The following PPEF2 variants were observed in gnomAD, a reference collection of about 807,000 sequenced individuals.
PPEF2 encodes the protein serine/threonine-protein phosphatase with EF-hands 2.
In PPEF2, 84 loss-of-function variants were observed where a neutral mutation model predicts 84.7. The ratio of observed to expected loss-of-function variants is 0.99; its 90% CI spans 0.83 to 1.19. The LOEUF (loss-of-function observed/expected upper bound fraction) is 1.19, where lower values mean the gene tolerates loss of function less well. PPEF2 is among the 50% of genes most tolerant of loss of function. The pLI, the probability that PPEF2 is intolerant of heterozygous loss-of-function variation, is 0.00. For missense variants in PPEF2, 924 were observed against 937.5 expected, an observed-to-expected ratio of 0.99 and a Z score of 0.19; for synonymous variants, 346 against 345.2, an observed-to-expected ratio of 1.00 and a Z score of -0.03.
In PPEF2 at chr4:75,860,547, G is replaced by T; in HGVS notation, c.*120C>A. On this transcript the variant is annotated 3_prime_UTR_variant, in exon 17 of 17. Coordinates refer to ENST00000286719, the MANE Select transcript of PPEF2 (RefSeq NM_006239.3). Reference sequence around the variant, plus strand: ...CACACTGAAATACACAGGTGATTCTGATGCATATGGATAGGTAAATTTTCA... The same window carrying T: ...CACACTGAAATACACAGGTGATTCTTATGCATATGGATAGGTAAATTTTCA... 2 of 1,272,762 alleles carry T rather than the reference G, an allele frequency of 1.6e-6. No individual in the cohort carries two copies. The highest frequency in any genetic ancestry group is 1.1e-6 in the Non-Finnish European group (1 of 918,464). The allele number at this position is 1,272,762 out of a possible 1,614,324, so 78.8% of individuals were successfully genotyped here.
chr4:75,863,903 C>A (rs1250243355), intron 16 of PPEF2, among the ~76,000 whole-genome samples: 1 of 149,590 alleles, frequency 6.7e-6, no homozygotes, highest in African/African-American at 2.5e-5. Flanking sequence ...GACAGAGTCT[C>A]ACTCTGTCGC....
intron 1 of PPEF2, among the ~76,000 whole-genome samples, chr4:75,897,184 G>A (rs930039304): frequency 6.6e-6 from 1 of 152,056 alleles, no homozygotes; most frequent in African/African-American, 2.4e-5. Flanking sequence ...TCTACACCTT[G>A]AGCTTCTGTG....
Position 75,863,133 on chromosome 4 carries a change from C to G in PPEF2, c.2008+1307G>C, listed in dbSNP as rs537763882. On this transcript the variant is annotated intron_variant, in intron 16 of 16. Coordinates refer to ENST00000286719, the MANE Select transcript of PPEF2 (RefSeq NM_006239.3). ...AGTAGATTAGTGGTTGCCAGGGACT[C>G]GTGGAGGAGGGATAGGGAATGAGGA... Among the ~76,000 whole-genome samples, 3 of 152,096 alleles carry G rather than the reference C, an allele frequency of 2.0e-5. No homozygotes were observed. In the South Asian group the frequency reaches 6.2e-4, roughly 32 times the overall value.
At chr4:75,891,527 C>T (rs1724881516) in intron 4 of PPEF2, 121 bp downstream of exon 4, 1 of 1,150,012 alleles carries the variant, frequency 8.7e-7, no homozygotes, top group South Asian at 1.7e-5. Context: ...ACTCCTCAGC[C>T]CCTTGCTTAT....
chr4:75,876,358 A>AG lies in PPEF2; in HGVS notation c.1248dup (p.Ser417LeufsTer10), dbSNP rs768006854. On this transcript the variant is annotated frameshift_variant, in exon 11 of 17. Transcript: ENST00000286719. LOFTEE classifies it high-confidence loss of function. Reference sequence around the variant, plus strand: ...GAGTCTGCTTCTGAGGCTGAGCGGGAGGGCTCCTCTTTCTCTCCGGTCACC... The same window carrying AG: ...GAGTCTGCTTCTGAGGCTGAGCGGGAGGGGCTCCTCTTTCTCTCCGGTCACC... 5.6e-5 allele frequency: 90 copies of AG among 1,613,980 alleles called. No individual in the cohort carries two copies. The East Asian group carries it at 1.8e-3, about 32-fold the overall frequency.
chr4:75,864,597 A>G, intron 15 of PPEF2, 70 bp from the exon 16 acceptor site: 1 of 1,181,418 alleles, frequency 8.5e-7, no homozygotes, highest in Non-Finnish European at 1.3e-6. Context: ...ATTAACACAC[A>G]ATCAACCCTG....
chr4:75,879,196 T>C (rs1000829378), intron 10 of PPEF2, among the ~76,000 whole-genome samples: 9 of 152,198 alleles, frequency 5.9e-5, no homozygotes, highest in African/African-American at 2.2e-4. Flanking sequence ...AGCCTGCAGA[T>C]AGGTCTTGCT....
chr4:75,893,633 C>T (rs1222627967), intron 2 of PPEF2, among the ~76,000 whole-genome samples: 5 of 152,118 alleles, frequency 3.3e-5, no homozygotes, highest in Non-Finnish European at 4.4e-5. Flanking sequence ...GAATCTCTAC[C>T]GCTGGAATCC....
At chr4:75,888,479 C>G (rs1724791499) in intron 5 of PPEF2, 151 bp from the exon 6 acceptor site, 2 of 580,274 alleles carry the variant, frequency 3.4e-6, no homozygotes, top group East Asian at 5.8e-5. Context: ...CGGATTCTTT[C>G]TTTATCACTC....
intron 13 of PPEF2, among the ~76,000 whole-genome samples, chr4:75,871,002 CA>C (rs5859483): frequency 0.99 from 150,592 of 151,888 alleles, 74,668 homozygotes; most frequent in Middle Eastern, 1. Flanking sequence ...CTGCAACCTC[CA>C]ACCTCCTGGG....
At chr4:75,896,742 T>C (rs1213478928) in intron 1 of PPEF2, among the ~76,000 whole-genome samples, 1 of 152,162 alleles carries the variant, frequency 6.6e-6, no homozygotes, top group Non-Finnish European at 1.5e-5. Flanking sequence ...AGTTTTCTCT[T>C]TACTTCCTCT....
Position 75,876,536 on chromosome 4 carries a change from C to T in PPEF2, c.1071G>A (p.Ser357=), listed in dbSNP as rs896741752. The T allele has an allele frequency of 5.6e-6, 9 of 1,613,984 alleles. No individual in the cohort carries two copies. Among genetic ancestry groups the T allele is most frequent in the Admixed American group, 1.7e-5 (1 of 59,990 alleles). The change falls in exon 11 of 17, where the codon TCG becomes TCA. Residue 357 remains serine, a synonymous_variant. Coordinates refer to ENST00000286719, the MANE Select transcript of PPEF2 (RefSeq NM_006239.3). ...CCTTGTAGGAGCCAAGCCGAAGGGG[C>T]GAAGAGGGAAGAGAGCGGCTTTCGG... ...FLPESRSLPS[S]PLRLGSYKAQ... is the part of the protein sequence containing the mutation.
intron 10 of PPEF2, among the ~76,000 whole-genome samples, chr4:75,882,486 T>A (rs1245894874): frequency 6.6e-6 from 1 of 151,828 alleles, no homozygotes; most frequent in African/African-American, 2.4e-5. Flanking sequence ...ATGGTAGACA[T>A]GACTAAGTGA....
At chr4:75,892,532 G>A (rs922452423) in intron 2 of PPEF2, among the ~76,000 whole-genome samples, 1 of 152,128 alleles carries the variant, frequency 6.6e-6, no homozygotes, top group Non-Finnish European at 1.5e-5. Context: ...AACAATAAAC[G>A]AATACTCAAA....
intron 5 of PPEF2, among the ~76,000 whole-genome samples, chr4:75,889,576 G>A (rs556550230): frequency 1.3e-5 from 2 of 152,164 alleles, no homozygotes; most frequent in African/African-American, 4.8e-5. Context: ...CTGCATAATT[G>A]TCTTATTTAT....
At chr4:75,886,011 A>AG (rs201545511) in intron 7 of PPEF2, among the ~76,000 whole-genome samples, 23,030 of 149,600 alleles carry the variant, frequency 0.15, 1,938 homozygotes, top group Non-Finnish European at 0.2. Flanking sequence ...CTCTGTCTTA[A>AG]AAAAAAAAAA....
chr4:75,866,592 A>G, intron 14 of PPEF2: 2 of 522,682 alleles, frequency 3.8e-6, no homozygotes, highest in Non-Finnish European at 6.9e-6. Context: ...AAAAGTGCCA[A>G]ATATTGCATA....
chr4:75,877,213 T>C (rs576970588), intron 10 of PPEF2, among the ~76,000 whole-genome samples: 227 of 151,916 alleles, frequency 1.5e-3, no homozygotes, highest in African/African-American at 5.4e-3. Flanking sequence ...GGTGCATGCC[T>C]GTAATCCCAG....
At position 75,860,220 on chromosome 4, in the gene PPEF2, T is replaced by C. The variant is rs1342704472; in HGVS notation, c.*447A>G. On this transcript the variant is annotated 3_prime_UTR_variant, in exon 17 of 17. Coordinates refer to ENST00000286719, the MANE Select transcript of PPEF2 (RefSeq NM_006239.3). Reference sequence around the variant, plus strand: ...AAAATTAGCCTGGTGTGGTGGTGCATGCCTGTAATCCCAGCTACTCAGGAG... The same window carrying C: ...AAAATTAGCCTGGTGTGGTGGTGCACGCCTGTAATCCCAGCTACTCAGGAG... 3 of 172,632 alleles carry C rather than the reference T, an allele frequency of 1.7e-5. No individual in the cohort carries two copies. Among genetic ancestry groups the C allele is most frequent in the South Asian group, 1.5e-4 (1 of 6,680 alleles). The allele number at this position is 172,632 out of a possible 1,614,324, so 10.7% of individuals were successfully genotyped here. A position where few individuals can be genotyped will look rare whatever the true frequency, so the allele number is the denominator to read the frequency against.
Sources: allele counts gnomAD v4.1 joint callset (sites outside exome capture counted in the v4.1 genomes callset), GRCh38; gene constraint gnomAD v4.1.1; transcripts MANE v1.5; gene names NCBI Gene and HGNC (gene_info 2026-07-23, HGNC 2026-07-21).